Variants in SH3TC2 observed in about 807,000 individuals in gnomAD.
SH3TC2 encodes the protein SH3 domain and tetratricopeptide repeat-containing protein 2.
SH3TC2 carries 87 observed loss-of-function variants against 124.5 expected under a neutral mutation model. The observed-to-expected ratio is 0.70, with a 90% CI of 0.59 to 0.84. The LOEUF (loss-of-function observed/expected upper bound fraction) is 0.84. SH3TC2 is among the 40% of genes least tolerant of loss of function. The pLI, the probability that SH3TC2 is intolerant of heterozygous loss-of-function variation, is 0.00. For missense variants in SH3TC2, 1,536 were observed against 1,566.4 expected (o/e 0.98, Z 0.33); for synonymous variants, 634 against 628.5 (o/e 1.01, Z -0.13).
chr5:149,050,699 G>T (rs906858930), intron 2 of SH3TC2, among the ~76,000 whole-genome samples: 1 of 152,066 alleles, frequency 6.6e-6, no homozygotes, highest in Admixed American at 6.6e-5. Context: ...TTTGAAATTG[G>T]GCTTATGGCT....
chr5:149,034,398 A>G, intron 8 of SH3TC2: 1 of 299,530 alleles, frequency 3.3e-6, no homozygotes, highest in Non-Finnish European at 6.7e-6. Flanking sequence ...TACCTCTAAT[A>G]GGAATTCCAG....
intron 4 of SH3TC2, chr5:149,044,255 T>C (rs1754419765): frequency 2.5e-6 from 1 of 398,234 alleles, no homozygotes; most frequent in Non-Finnish European, 4.8e-6. Context: ...ACTTAGTAGA[T>C]GACCAATAAC....
chr5:149,030,382 T>C (rs1754169035), intron 9 of SH3TC2, among the ~76,000 whole-genome samples: 1 of 152,182 alleles, frequency 6.6e-6, no homozygotes, highest in South Asian at 2.1e-4. Flanking sequence ...GATCTTTGAG[T>C]GAGAGTCAAG....
intron 12 of SH3TC2, among the ~76,000 whole-genome samples, chr5:149,023,601 T>TTTTTTTTTTTTTTTA (rs1754014057): frequency 9.3e-6 from 1 of 107,906 alleles, no homozygotes; most frequent in Non-Finnish European, 2.0e-5. Flanking sequence ...TTTTTTTTTT[T>TTTTTTTTTTTTTTTA]GAGAGACAGT....
Position 149,040,646 on chromosome 5 carries a change from C to G in SH3TC2, c.763G>C (p.Gly255Arg), listed in dbSNP as rs1561769419. The G allele has an allele frequency of 6.2e-7, 1 of 1,614,152 alleles. No individual in the cohort carries two copies. Among genetic ancestry groups the G allele is most frequent in the Non-Finnish European group, 8.5e-7 (1 of 1,180,030 alleles). ...WFLKNYPGSC[G>R]LSRKRDWTGS... The stretch of plus-strand genomic sequence containing the variant: ...GTCCAATCCCTCTTCCTGGAAAGGC[C>G]ACAGCTTCCTGGATAATTCTTTAGG... The change falls in exon 7 of 17, where the codon GGC becomes CGC. Residue 255 changes from glycine to arginine, a missense_variant. Around this residue, in one of 3 missense-constraint regions of SH3TC2, gnomAD observed 1,102 missense variants for 1,098.6 expected, o/e 1.00. Coordinates refer to ENST00000515425, the MANE Select transcript of SH3TC2 (RefSeq NM_024577.4).
rs151210257 is a variant in SH3TC2, at chr5:149,026,372, C to T, written c.3053+200G>A. ...CCTTTGGCTGATGAGGAAACTGAGA[C>T]ATGGAGAAATTAAATAGCTTGCCCA... On this transcript the variant is annotated intron_variant, in intron 12 of 16. Coordinates refer to ENST00000515425, the MANE Select transcript of SH3TC2 (RefSeq NM_024577.4). The T allele has an allele frequency of 8.8e-5, 55 of 623,126 alleles. No homozygotes were observed. In the Middle Eastern group the frequency reaches 1.3e-3, roughly 15 times the overall value. 38.6% of individuals were successfully genotyped at this position (623,126 alleles called of 1,614,324 possible). A position where few individuals can be genotyped will look rare whatever the true frequency, so the allele number is the denominator to read the frequency against.
At position 149,003,849 on chromosome 5, in the gene SH3TC2, CAAAAAAA is replaced by C. The variant is rs5872107; in HGVS notation, c.*855_*861del. On this transcript the variant is annotated 3_prime_UTR_variant, in exon 17 of 17. Coordinates refer to ENST00000515425, the MANE Select transcript of SH3TC2 (RefSeq NM_024577.4). ...CTGGGCAACAGAGGAGAAACTGTCT[CAAAAAAA>C]AAAAAAAAAAAAAAAGACATGTATT... is the stretch of plus-strand genomic sequence containing the variant. The C allele has an allele frequency of 3.2e-3, 550 of 171,412 alleles. No homozygotes were observed. Among genetic ancestry groups the C allele is most frequent in the East Asian group, 5.7e-3 (32 of 5,608 alleles). 10.6% of individuals were successfully genotyped at this position (171,412 alleles called of 1,614,324 possible).
At chr5:149,012,485 T>A (rs907019864) in intron 13 of SH3TC2, 99 bp downstream of exon 13, 1 of 1,464,890 alleles carries the variant, frequency 6.8e-7, no homozygotes, top group African/African-American at 1.4e-5. Context: ...AGGGTGAACA[T>A]CATCCCTCTC....
intron 13 of SH3TC2, among the ~76,000 whole-genome samples, chr5:149,011,496 C>A (rs935626849): frequency 6.6e-6 from 1 of 152,238 alleles, no homozygotes; most frequent in Non-Finnish European, 1.5e-5. Context: ...CTAAGTCACA[C>A]TGTGTGCAGT....
Position 148,995,084 on chromosome 5 carries a change from T to C in SH3TC2, c.*9627A>G, listed in dbSNP as rs1323144442. ...GTGGTATTTGGTGCAATAAGGCTTA[T>C]ATAAGCCAAGGTCCCTGCTCCCTAG... On this transcript the variant is annotated 3_prime_UTR_variant, in exon 17 of 17. Coordinates refer to ENST00000515425, the MANE Select transcript of SH3TC2 (RefSeq NM_024577.4). Among the ~76,000 whole-genome samples the C allele has an allele frequency of 6.6e-6, 1 of 152,214 alleles. No homozygotes were observed. Among genetic ancestry groups the C allele is most frequent in the African/African-American group, 2.4e-5 (1 of 41,448 alleles).
intron 8 of SH3TC2, among the ~76,000 whole-genome samples, chr5:149,036,725 C>T (rs1754288532): frequency 6.6e-6 from 1 of 152,146 alleles, no homozygotes; most frequent in South Asian, 2.1e-4. Context: ...ACCTTGGTTG[C>T]CCACCAGCCC....
chr5:149,039,602 T>C (rs1754336058), intron 7 of SH3TC2, among the ~76,000 whole-genome samples: 1 of 152,256 alleles, frequency 6.6e-6, no homozygotes, highest in African/African-American at 2.4e-5. Flanking sequence ...ATCTACATTG[T>C]AAGAGAAACT....
chr5:149,060,240 G>A (rs1345858509), intron 1 of SH3TC2, among the ~76,000 whole-genome samples: 1 of 152,200 alleles, frequency 6.6e-6, no homozygotes, highest in African/African-American at 2.4e-5. Flanking sequence ...AACAAACTTT[G>A]ACATGGCTTT....
Position 149,026,445 on chromosome 5 carries a change from C to T in SH3TC2, c.3053+127G>A, listed in dbSNP as rs961683887. 1.9e-4 allele frequency: 209 copies of T among 1,120,254 alleles called. 1 individual carries two copies. Among genetic ancestry groups the T allele is most frequent in the Non-Finnish European group, 4.5e-5 (34 of 749,764 alleles). The allele number at this position is 1,120,254 out of a possible 1,614,324, so 69.4% of individuals were successfully genotyped here. A position where few individuals can be genotyped will look rare whatever the true frequency, so the allele number is the denominator to read the frequency against. On this transcript the variant is annotated intron_variant, in intron 12 of 16. Coordinates refer to ENST00000515425, the MANE Select transcript of SH3TC2 (RefSeq NM_024577.4). ...TGGATGCATTGTGGTGGCTGCAGAG[C>T]CCTTGCTCTTTTGCACAAAGCCCCG...
chr5:149,027,550 C>T lies in SH3TC2; in HGVS notation c.2182G>A (p.Gly728Ser). 1 of 1,614,248 alleles carries T rather than the reference C, an allele frequency of 6.2e-7. No individual in the cohort carries two copies. Among genetic ancestry groups the T allele is most frequent in the South Asian group, 1.1e-5 (1 of 91,088 alleles). ...GCCAAGGCAGAAACTTCACCCCAGCCTGGGGAAGGAAAGCCAAGGAGCTTG... is the reference window on the plus strand; with the variant it reads ...GCCAAGGCAGAAACTTCACCCCAGCTTGGGGAAGGAAAGCCAAGGAGCTTG... ...TTKLLGFPSP[G>S]WGEVSALACP... Residue 728 changes from glycine to serine, a missense_variant, in exon 11 of 17, where the codon GGC (glycine) becomes AGC (serine). Coordinates refer to ENST00000515425, the MANE Select transcript of SH3TC2 (RefSeq NM_024577.4).
chr5:149,061,146 C>A (rs1754740039), intron 1 of SH3TC2, among the ~76,000 whole-genome samples: 1 of 152,006 alleles, frequency 6.6e-6, no homozygotes. Flanking sequence ...GGGGTGCCAG[C>A]CAGTAATCAA....
Position 148,994,432 on chromosome 5 carries a change from G to A in SH3TC2, c.*10279C>T, listed in dbSNP as rs1753470080. ...CTAAGCTGTGATGGTAAGAATAATA[G>A]GTAAGTTTATCAGAGGACTCTGACT... On this transcript the variant is annotated 3_prime_UTR_variant, in exon 17 of 17. Coordinates refer to ENST00000515425, the MANE Select transcript of SH3TC2 (RefSeq NM_024577.4). 6.6e-6 allele frequency among the ~76,000 whole-genome samples: 1 copy of A among 152,220 alleles called. No individual in the cohort carries two copies. The highest frequency in any genetic ancestry group is 6.5e-5 in the Admixed American group (1 of 15,284).
chr5:149,036,159 T>C (rs1267420919), intron 8 of SH3TC2: 3 of 152,190 alleles, frequency 2.0e-5, no homozygotes, highest in African/African-American at 4.8e-5. Context: ...GAGAGATAAA[T>C]GAATATGTCC....
chr5:149,041,274 AAGAC>A (rs1754367132), intron 6 of SH3TC2, 138 bp downstream of exon 6: 2 of 832,466 alleles, frequency 2.4e-6, no homozygotes, highest in Admixed American at 2.7e-5. Context: ...AGAAAAGAAA[AAGAC>A]AGAAAGATAA....
Sources: allele counts gnomAD v4.1 joint callset (sites outside exome capture counted in the v4.1 genomes callset), GRCh38; gene constraint gnomAD v4.1.1; regional missense constraint gnomAD v4.1.1; transcripts MANE v1.5; gene names NCBI Gene and HGNC (gene_info 2026-07-23, HGNC 2026-07-21).